The following HAUS8 variants were observed in gnomAD, a reference collection of about 807,000 sequenced individuals.
HAUS8 encodes the protein HAUS augmin like complex subunit 8.
HAUS8 carries 38 observed loss-of-function variants against 42.9 expected under a neutral mutation model. The ratio of observed to expected loss-of-function variants is 0.89; its 90% confidence interval spans 0.68 to 1.16. The LOEUF is 1.16. Among genes scored for constraint, HAUS8 ranks in the 50% most tolerant of loss-of-function variants. The pLI, the probability that HAUS8 is intolerant of heterozygous loss-of-function variation, is 0.00. For missense variants in HAUS8, 494 were observed against 511.6 expected, an observed-to-expected ratio of 0.97 and a Z score of 0.33; for synonymous variants, 199 against 205.8, an observed-to-expected ratio of 0.97 and a Z score of 0.28.
intron 1 of HAUS8, 90 bp downstream of exon 1, chr19:17,075,304 C>T (rs1023413425): frequency 4.1e-6 from 6 of 1,456,174 alleles, no homozygotes; most frequent in Non-Finnish European, 5.8e-6. Flanking sequence ...CCCGAACTCA[C>T]CCCGAGGGTC....
chr19:17,062,794 C>T lies in HAUS8; in HGVS notation c.148-15G>A. ...CCTGCAGGAGCCTGTTATGGGAACA[C>T]ATGACACTCAGAGGACAAGACATCC... On this transcript the variant is annotated splice_polypyrimidine_tract_variant and intron_variant, in intron 3 of 10. Coordinates refer to ENST00000253669, the MANE Select transcript of HAUS8 (RefSeq NM_033417.2). 1 of 1,598,600 alleles carries T rather than the reference C, an allele frequency of 6.3e-7. No homozygotes were observed. Among genetic ancestry groups the T allele is most frequent in the East Asian group, 2.2e-5 (1 of 44,780 alleles).
chr19:17,062,877 C>T lies in HAUS8; in HGVS notation c.148-98G>A, dbSNP rs1450503073. 1.4e-5 allele frequency: 12 copies of T among 869,056 alleles called. No homozygotes were observed. In the East Asian group the frequency reaches 2.4e-4, roughly 18 times the overall value. The allele number at this position is 869,056 out of a possible 1,614,324, so 53.8% of individuals were successfully genotyped here. On this transcript the variant is annotated intron_variant, in intron 3 of 10. Transcript: ENST00000253669. ...GCACTGTGTTTCGTAACTGCTCTTA[C>T]TTTGAGGCAGGGGAGACATTTAAAG...
In HAUS8 at chr19:17,052,930, A is replaced by G. The variant is rs1176263268; in HGVS notation, c.824T>C (p.Leu275Pro). Reference sequence around the variant, plus strand: ...ATCACCAACATCAAGTTCTCCCAGGAGGCGCTGAGTGGTCACCAGTTCATG... The same window carrying G: ...ATCACCAACATCAAGTTCTCCCAGGGGGCGCTGAGTGGTCACCAGTTCATG... ...LQHELVTTQR[L>P]LGELDVGDSE... Residue 275 changes from leucine to proline, a missense_variant, in exon 10 of 11, where the codon CTC becomes CCC. By Grantham distance (98) the Leu-to-Pro change is moderately conservative. Coordinates refer to ENST00000253669, the MANE Select transcript of HAUS8 (RefSeq NM_033417.2). 1 of 1,614,172 alleles carries G rather than the reference A, an allele frequency of 6.2e-7. No individual in the cohort carries two copies.
At chr19:17,055,504 G>A (rs1478670705) in intron 9 of HAUS8, among the ~76,000 whole-genome samples, 1 of 151,928 alleles carries the variant, frequency 6.6e-6, no homozygotes, top group Admixed American at 6.6e-5. Context: ...TGCCTGAAAG[G>A]GACCTCACTG....
Position 17,058,643 on chromosome 19 carries a change from T to C in HAUS8, c.551A>G (p.Glu184Gly). The change falls in exon 8 of 11, where the codon GAG becomes GGG. Residue 184 changes from glutamate to glycine, a missense_variant. Physicochemically the swap from Glu to Gly is moderately conservative, Grantham distance 98. Transcript: ENST00000253669. ...AEKNLLIMCK[E>G]KEKLQKKAHE... ...GGCCTTTTTCTGTAGCTTCTCCTTC[T>C]CCTTACACATTATTAATAAATTCTT... The C allele has an allele frequency of 1.2e-6, 2 of 1,613,508 alleles. No individual in the cohort carries two copies. The highest frequency in any genetic ancestry group is 2.2e-5 in the South Asian group (2 of 90,976).
At position 17,058,907 on chromosome 19, in the gene HAUS8, C is replaced by T. The variant is rs535103860; in HGVS notation, c.421-31G>A. 7.1e-6 allele frequency: 11 copies of T among 1,559,114 alleles called. No individual in the cohort carries two copies. In the African/African-American group the frequency reaches 9.5e-5, roughly 14 times the overall value. On this transcript the variant is annotated intron_variant, in intron 6 of 10. Coordinates refer to ENST00000253669, the MANE Select transcript of HAUS8 (RefSeq NM_033417.2). ...GAAAAGAAAAAGACCCTCTCAATTC[C>T]TGATGAAGTGGTATAAATCCAGCTC...
intron 1 of HAUS8, 166 bp from the exon 2 acceptor site, chr19:17,073,501 G>A: frequency 1.5e-6 from 1 of 687,872 alleles, no homozygotes; most frequent in Non-Finnish European, 2.6e-6. Flanking sequence ...GACACAAGGA[G>A]CAGCCAGCCC....
Position 17,063,114 on chromosome 19 carries a change from T to C in HAUS8, c.148-335A>G, listed in dbSNP as rs1328301513. Among the ~76,000 whole-genome samples the C allele has an allele frequency of 2.0e-5, 3 of 152,166 alleles. No individual in the cohort carries two copies. In the East Asian group the frequency reaches 5.8e-4, roughly 29 times the overall value. On this transcript the variant is annotated intron_variant, in intron 3 of 10. Transcript: ENST00000253669. ...ACTTTGGTCATCAGGAGAAACAAAGTTTTTACACATATGTTGTCAAAAAAT... is the reference window on the plus strand; with the variant it reads ...ACTTTGGTCATCAGGAGAAACAAAGCTTTTACACATATGTTGTCAAAAAAT...
chr19:17,051,227 G>A (rs1449915860), intron 10 of HAUS8, among the ~76,000 whole-genome samples: 1 of 152,066 alleles, frequency 6.6e-6, no homozygotes, highest in African/African-American at 2.4e-5. Context: ...GCCACCCACA[G>A]GAGAAAGAAA....
intron 4 of HAUS8, among the ~76,000 whole-genome samples, chr19:17,062,020 G>A (rs544565779): frequency 8.5e-5 from 13 of 152,324 alleles, no homozygotes; most frequent in African/African-American, 2.6e-4. Flanking sequence ...AATCCAGCCC[G>A]CTTCCTTTGC....
Position 17,069,048 on chromosome 19 carries a change from T to C in HAUS8, c.130A>G (p.Lys44Glu), listed in dbSNP as rs1035990543. The C allele has an allele frequency of 6.2e-7, 1 of 1,613,274 alleles. No individual in the cohort carries two copies. Among genetic ancestry groups the C allele is most frequent in the African/African-American group, 1.3e-5 (1 of 74,888 alleles). Reference sequence around the variant, plus strand: ...GGCCTTACCTTTTGGGTTGTCTTCTTTTCATACTGCAGATACCGGGACTCA... The same window carrying C: ...GGCCTTACCTTTTGGGTTGTCTTCTCTTCATACTGCAGATACCGGGACTCA... Reference protein sequence around the residue: ...VIESRYLQYEKKTTQKAPAGD... With the variant: ...VIESRYLQYEEKTTQKAPAGD... The change falls in exon 3 of 11, where the codon AAG (lysine) becomes GAG (glutamate). Residue 44 changes from lysine to glutamate, a missense_variant. Coordinates refer to ENST00000253669, the MANE Select transcript of HAUS8 (RefSeq NM_033417.2).
At chr19:17,065,105 C>T (rs1325489370) in intron 3 of HAUS8, among the ~76,000 whole-genome samples, 2 of 152,174 alleles carry the variant, frequency 1.3e-5, no homozygotes, top group African/African-American at 4.8e-5. Flanking sequence ...TCAATATCAT[C>T]GGCTATTATG....
intron 8 of HAUS8, among the ~76,000 whole-genome samples, chr19:17,056,309 G>A (rs1436014632): frequency 6.6e-6 from 1 of 152,112 alleles, no homozygotes. Flanking sequence ...GGCCATCCCC[G>A]GCATGGCCCA....
intron 2 of HAUS8, among the ~76,000 whole-genome samples, chr19:17,072,709 T>C (rs770938722): frequency 1.2e-4 from 18 of 151,726 alleles, no homozygotes; most frequent in Non-Finnish European, 2.4e-4. Context: ...AGTGCAGTGG[T>C]GCGATCTTGG....
chr19:17,059,923 T>C (rs1015275690), intron 5 of HAUS8, 74 bp downstream of exon 5: 8 of 1,058,986 alleles, frequency 7.6e-6, no homozygotes, highest in Admixed American at 1.7e-5. Flanking sequence ...TGTAGGCCAA[T>C]TGTACTTTGG....
At chr19:17,065,949 C>T (rs2057384875) in intron 3 of HAUS8, among the ~76,000 whole-genome samples, 1 of 148,782 alleles carries the variant, frequency 6.7e-6, no homozygotes, top group Non-Finnish European at 1.5e-5. Flanking sequence ...CCCCATATCT[C>T]ACTCTACACA....
At chr19:17,069,627 C>G (rs2057409222) in intron 2 of HAUS8, among the ~76,000 whole-genome samples, 1 of 150,788 alleles carries the variant, frequency 6.6e-6, no homozygotes, top group South Asian at 2.1e-4. Flanking sequence ...GGTCCCCTTC[C>G]AGGGCTACTC....
intron 1 of HAUS8, chr19:17,073,546 C>A: frequency 1.7e-6 from 1 of 590,446 alleles, no homozygotes; most frequent in East Asian, 2.9e-5. Flanking sequence ...GGTGAACACC[C>A]AAACTGAGAA....
chr19:17,068,749 G>A (rs1339955987), intron 3 of HAUS8, among the ~76,000 whole-genome samples: 1 of 152,078 alleles, frequency 6.6e-6, no homozygotes, highest in Non-Finnish European at 1.5e-5. Context: ...GGGCAACAGA[G>A]AGAGACCTTG....
Sources: allele counts gnomAD v4.1 joint callset (sites outside exome capture counted in the v4.1 genomes callset), GRCh38; gene constraint gnomAD v4.1.1; transcripts MANE v1.5; gene names NCBI Gene and HGNC (gene_info 2026-07-23, HGNC 2026-07-21).